The following UGT1A9 variants were observed in gnomAD, a reference collection of about 807,000 sequenced individuals.
The protein encoded by UGT1A9 is UDP-glucuronosyltransferase 1A9.
A neutral mutation model predicts 45.0 loss-of-function variants in UGT1A9; 35 were observed. That is an observed-to-expected ratio of 0.78 (90% CI 0.59 to 1.03). UGT1A9 has a LOEUF of 1.03. Among genes scored for constraint, UGT1A9 ranks in the 50% least tolerant of loss-of-function variants. The pLI is 0.00. For synonymous variants in UGT1A9, 278 were observed against 250.6 expected (o/e 1.11, Z -1.03); for missense variants, 687 against 666.6 (o/e 1.03, Z -0.34).
intron 1 of UGT1A9, chr2:233,681,944 C>G: frequency 1.2e-6 from 2 of 1,612,684 alleles, no homozygotes; most frequent in Non-Finnish European, 1.7e-6. Flanking sequence ...TCTGATGGCT[C>G]GTGCAGGGTG....
intron 1 of UGT1A9, among the ~76,000 whole-genome samples, chr2:233,748,824 G>A (rs1694036500): frequency 6.6e-6 from 1 of 151,412 alleles, no homozygotes. Context: ...GAAGGGTCTA[G>A]GGAGGAGATA....
rs371639452 is a variant in UGT1A9 at position 233,765,570 on chromosome 2, C to T, written c.856-1464C>T. 3.9e-5 allele frequency among the ~76,000 whole-genome samples: 6 copies of T among 151,906 alleles called. No individual in the cohort carries two copies. In the South Asian group the frequency reaches 1.0e-3, roughly 26 times the overall value. ...GAGTTGAACAGTGAGAATGCGTAGACGCAGGGAGGGGAACAACACACACCA... is the reference window on the plus strand; with the variant it reads ...GAGTTGAACAGTGAGAATGCGTAGATGCAGGGAGGGGAACAACACACACCA... On this transcript the variant is annotated intron_variant, in intron 1 of 4. Coordinates refer to ENST00000354728, the MANE Select transcript of UGT1A9 (RefSeq NM_021027.3).
rs1333399571 is a variant in UGT1A9 at position 233,769,871 on chromosome 2, A to AT, written c.1295+1432_1295+1433insT. 8.6e-6 allele frequency: 4 copies of AT among 463,518 alleles called. No individual in the cohort carries two copies. Among genetic ancestry groups the AT allele is most frequent in the Non-Finnish European group, 1.5e-5 (4 of 275,572 alleles). The allele number at this position is 463,518 out of a possible 1,614,324, so 28.7% of individuals were successfully genotyped here. A position where few individuals can be genotyped will look rare whatever the true frequency, so the allele number is the denominator to read the frequency against. Reference sequence around the variant, plus strand: ...AGACCCTGTCTCAAAAAAAAAAAAAAAAATGAAAAGTCCACATAACCTGAG... The same window carrying AT: ...AGACCCTGTCTCAAAAAAAAAAAAAATAAATGAAAAGTCCACATAACCTGAG... On this transcript the variant is annotated intron_variant, in intron 4 of 4. Transcript: ENST00000354728. The surrounding 1 kb of genome is among the most constrained non-coding windows in gnomAD (Gnocchi z 4.4).
chr2:233,750,363 A>C (rs1694437440), intron 1 of UGT1A9, among the ~76,000 whole-genome samples: 1 of 151,980 alleles, frequency 6.6e-6, no homozygotes, highest in African/African-American at 2.4e-5. Context: ...TATGTTTAAA[A>C]GGGAAGCAGA....
intron 1 of UGT1A9, among the ~76,000 whole-genome samples, chr2:233,752,750 C>CAA (rs1695052572): frequency 6.6e-6 from 1 of 151,980 alleles, no homozygotes; most frequent in Non-Finnish European, 1.5e-5. Context: ...GTCTCTAAAA[C>CAA]AAACAAACAA....
At position 233,760,587 on chromosome 2, in the gene UGT1A9, T is replaced by C. The variant is rs374655757; in HGVS notation, c.856-6447T>C. ...TTGTTAGTCTCGGGCATAATGTTTT[T>C]GAGAATGATTCTTTCCTGCAGCGTG... On this transcript the variant is annotated intron_variant, in intron 1 of 4. Coordinates refer to ENST00000354728, the MANE Select transcript of UGT1A9 (RefSeq NM_021027.3). 5 of 1,614,120 alleles carry C rather than the reference T, an allele frequency of 3.1e-6. No homozygotes were observed. Among genetic ancestry groups the C allele is most frequent in the Non-Finnish European group, 4.2e-6 (5 of 1,180,056 alleles).
intron 1 of UGT1A9, among the ~76,000 whole-genome samples, chr2:233,696,144 T>C (rs566380676): frequency 1.3e-5 from 2 of 152,304 alleles, no homozygotes; most frequent in African/African-American, 4.8e-5. Flanking sequence ...ATCCCATTGC[T>C]GGGTATATAT....
chr2:233,730,574 G>A (rs1277853896), intron 1 of UGT1A9, among the ~76,000 whole-genome samples: 1 of 152,170 alleles, frequency 6.6e-6, no homozygotes, highest in African/African-American at 2.4e-5. Context: ...ACGAAGTTCA[G>A]TTTCCAGACA....
At chr2:233,715,302 T>C (rs1054337929) in intron 1 of UGT1A9, among the ~76,000 whole-genome samples, 14 of 152,238 alleles carry the variant, frequency 9.2e-5, no homozygotes, top group African/African-American at 2.7e-4. Context: ...GGCTCTTGAA[T>C]AGGTTTTGCT....
intron 1 of UGT1A9, among the ~76,000 whole-genome samples, chr2:233,758,412 A>C (rs1428441093): frequency 6.6e-6 from 1 of 152,106 alleles, no homozygotes; most frequent in Non-Finnish European, 1.5e-5. Context: ...TACTGTCTAT[A>C]ATCTGCAAAT....
chr2:233,731,441 C>T (rs1000336522), intron 1 of UGT1A9, among the ~76,000 whole-genome samples: 6 of 152,112 alleles, frequency 3.9e-5, no homozygotes, highest in Non-Finnish European at 5.9e-5. Flanking sequence ...CCCCAGTCCC[C>T]CACCCCACAA....
intron 1 of UGT1A9, among the ~76,000 whole-genome samples, chr2:233,738,740 C>T (rs1235036519): frequency 1.3e-5 from 2 of 152,136 alleles, no homozygotes; most frequent in Non-Finnish European, 2.9e-5. Context: ...GCAGCCTGAC[C>T]ATGTGGTAGA....
At chr2:233,708,319 A>T (rs1235023538) in intron 1 of UGT1A9, 1 of 152,194 alleles carries the variant, frequency 6.6e-6, no homozygotes, top group African/African-American at 2.4e-5. Flanking sequence ...ATAGGTAAAA[A>T]ATATCTCAAG....
intron 1 of UGT1A9, chr2:233,747,685 G>C: frequency 1.2e-6 from 2 of 1,608,708 alleles, no homozygotes; most frequent in Non-Finnish European, 1.7e-6. Context: ...TACCTCTGTG[G>C]GGCAGTGCTG....
In UGT1A9 at chr2:233,672,381, T is replaced by A; in HGVS notation, c.447T>A (p.Pro149=). Residue 149 remains proline, a synonymous_variant, in exon 1 of 5, where the codon CCT becomes CCA. Coordinates refer to ENST00000354728, the MANE Select transcript of UGT1A9 (RefSeq NM_021027.3). The stretch of plus-strand genomic sequence containing the variant: ...CTTTTGATGCAGTGTTTCTCGATCC[T>A]TTTGATAACTGTGGCTTAATTGTTG... ...ESSFDAVFLD[P]FDNCGLIVAK... The A allele has an allele frequency of 6.2e-7, 1 of 1,614,168 alleles. No individual in the cohort carries two copies. Among genetic ancestry groups the A allele is most frequent in the Non-Finnish European group, 8.5e-7 (1 of 1,180,002 alleles).
chr2:233,727,759 G>T (rs2077649754), intron 1 of UGT1A9, among the ~76,000 whole-genome samples: 1 of 152,172 alleles, frequency 6.6e-6, no homozygotes. Flanking sequence ...CTGCCCTTGA[G>T]CTGGGTGTCC....
At chr2:233,722,546 CT>C (rs1401717702) in intron 1 of UGT1A9, among the ~76,000 whole-genome samples, 1 of 152,096 alleles carries the variant, frequency 6.6e-6, no homozygotes, top group East Asian at 1.9e-4. Context: ...ATCCTAGTTT[CT>C]TTTGGTTGAT....
chr2:233,712,804 C>T (rs2076256018), intron 1 of UGT1A9, among the ~76,000 whole-genome samples: 1 of 152,204 alleles, frequency 6.6e-6, no homozygotes, highest in Non-Finnish European at 1.5e-5. Context: ...CGGTCTTTCC[C>T]AGGGTGGGGC....
intron 1 of UGT1A9, chr2:233,719,598 G>A (rs759062689): frequency 3.1e-6 from 5 of 1,613,992 alleles, no homozygotes; most frequent in Non-Finnish European, 2.5e-6. Flanking sequence ...GTTCCGAGGG[G>A]ACTTTGTGAT....
Sources: gnomAD v4.1 joint callset for allele counts (sites outside exome capture counted in the v4.1 genomes callset) on GRCh38, gnomAD v4.1.1 for gene constraint, Gnocchi (gnomAD v3.1) non-coding constraint, MANE v1.5 for transcripts, NCBI Gene and HGNC (gene_info 2026-07-23, HGNC 2026-07-21) for gene names.